The following ERAP1 variants were observed in gnomAD, a reference collection of about 807,000 sequenced individuals.
ERAP1 encodes the protein adipocyte-derived leucine aminopeptidase.
A neutral mutation model predicts 103.7 loss-of-function variants in ERAP1; 86 were observed. That is an observed-to-expected ratio of 0.83 (90% CI 0.70 to 0.99). ERAP1 has a LOEUF of 0.99. Ranked by LOEUF, ERAP1 falls within the 50% of genes least tolerant of loss-of-function variation. ERAP1 has a pLI of 0.00. For missense variants in ERAP1, 1,009 were observed against 1,128.4 expected, an observed-to-expected ratio of 0.89 and a Z score of 1.52; for synonymous variants, 398 against 402.4, an observed-to-expected ratio of 0.99 and a Z score of 0.13.
chr5:96,781,636 A>G (rs1294355277), intron 16 of ERAP1, 57 bp downstream of exon 16: 15 of 1,605,442 alleles, frequency 9.3e-6, no homozygotes, highest in Non-Finnish European at 1.3e-5. Context: ...TGCCAGAATG[A>G]TCTAATCTAA....
chr5:96,836,913 G>A, the ERAP1 span, among the ~76,000 whole-genome samples: 1 of 152,020 alleles, frequency 6.6e-6, no homozygotes, highest in East Asian at 1.9e-4. Flanking sequence ...CAAATCAGAA[G>A]ATTTTTTAAA....
the ERAP1 span, among the ~76,000 whole-genome samples, chr5:96,823,649 C>T: frequency 6.6e-6 from 1 of 152,218 alleles, no homozygotes; most frequent in Non-Finnish European, 1.5e-5. Context: ...CCAAGACCCC[C>T]AATGGTTGCC....
intron 19 of ERAP1, among the ~76,000 whole-genome samples, chr5:96,768,657 T>TG (rs1312089378): frequency 6.6e-6 from 1 of 152,246 alleles, no homozygotes; most frequent in African/African-American, 2.4e-5. Context: ...GCTATGTCTG[T>TG]GTTCATTTAA....
At chr5:96,780,322 T>C in intron 18 of ERAP1, 101 bp downstream of exon 18, 1 of 834,482 alleles carries the variant, frequency 1.2e-6, no homozygotes, top group Non-Finnish European at 1.8e-6. Context: ...TGACAATCCA[T>C]TTCTAACTCA....
At chr5:96,907,577 T>TC in the ERAP1 span, among the ~76,000 whole-genome samples, 2 of 151,796 alleles carry the variant, frequency 1.3e-5, no homozygotes, top group Admixed American at 6.6e-5. Context: ...TTGTGGATTT[T>TC]TTTTTTTTTA....
At chr5:96,773,054 T>TC (rs1312959525), downstream of ERAP1, 1 of 153,908 alleles carries the variant, frequency 6.5e-6, no homozygotes, top group African/African-American at 2.4e-5. Context: ...TTTTAAACAT[T>TC]CTTCAGTGTT....
chr5:96,847,919 G>T, the ERAP1 span, among the ~76,000 whole-genome samples: 2 of 149,186 alleles, frequency 1.3e-5, no homozygotes, highest in South Asian at 4.2e-4. Flanking sequence ...AGAAAAAGAA[G>T]AACAAATTAA....
At chr5:96,861,615 T>C in the ERAP1 span, among the ~76,000 whole-genome samples, 1 of 152,220 alleles carries the variant, frequency 6.6e-6, no homozygotes, top group Non-Finnish European at 1.5e-5. Context: ...CACTAATATC[T>C]CTGGAGCACT....
At position 96,774,860 on chromosome 5, in the gene ERAP1, T is replaced by A. The variant is rs1451110453; in HGVS notation, c.*1536A>T. On this transcript the variant is annotated 3_prime_UTR_variant, in exon 19 of 19. Transcript: ENST00000443439. ...TGGTTTAATAAATGGCAGATTTATG[T>A]CCAGAAGTCACTCTATTTTGTCGTG... 1.0e-6 allele frequency: 1 copy of A among 985,422 alleles called. No homozygotes were observed. The highest frequency in any genetic ancestry group is 1.2e-6 in the Non-Finnish European group (1 of 829,888). 61.0% of individuals were successfully genotyped at this position (985,422 alleles called of 1,614,324 possible).
the ERAP1 span, among the ~76,000 whole-genome samples, chr5:96,880,729 T>C: frequency 1.3e-5 from 2 of 152,296 alleles, no homozygotes; most frequent in Admixed American, 6.5e-5. Context: ...TTGAGAAATA[T>C]AGTCAATTTG....
chr5:96,868,925 C>A, the ERAP1 span, among the ~76,000 whole-genome samples: 3 of 152,076 alleles, frequency 2.0e-5, no homozygotes, highest in African/African-American at 7.2e-5. Flanking sequence ...TCCAAGCCTA[C>A]CTATAAATCT....
At chr5:96,844,783 C>T in the ERAP1 span, among the ~76,000 whole-genome samples, 3 of 152,206 alleles carry the variant, frequency 2.0e-5, no homozygotes, top group Non-Finnish European at 2.9e-5. Context: ...GCTTCTGGCA[C>T]TCTCCACCTC....
In ERAP1 at chr5:96,805,346, GTT is replaced by G. The variant is rs368326043; in HGVS notation, c.-17-1405_-17-1404del. 8.2e-3 allele frequency among the ~76,000 whole-genome samples: 972 copies of G among 119,068 alleles called. 6 individuals are homozygous for G. Among genetic ancestry groups the G allele is most frequent in the South Asian group, 0.028 (106 of 3,748 alleles). The allele number at this position is 119,068 out of a possible 152,430, so 78.1% of individuals were successfully genotyped here. A position where few individuals can be genotyped will look rare whatever the true frequency, so the allele number is the denominator to read the frequency against. ...CGGATTGTTTAATTTCTGGTTTTTG[GTT>G]TTTTTTTTTAAAAAAAAAAAAAACT... On this transcript the variant is annotated intron_variant, in intron 1 of 18. Transcript: ENST00000443439.
At chr5:96,832,127 G>A in the ERAP1 span, among the ~76,000 whole-genome samples, 2 of 152,158 alleles carry the variant, frequency 1.3e-5, no homozygotes, top group Admixed American at 6.5e-5. Context: ...TGAAACAAGA[G>A]TCCTACCTAA....
At chr5:96,824,391 T>A in the ERAP1 span, among the ~76,000 whole-genome samples, 1 of 152,196 alleles carries the variant, frequency 6.6e-6, no homozygotes, top group Non-Finnish European at 1.5e-5. Flanking sequence ...GGCCCAGGAA[T>A]CTTGTGTCCA....
At chr5:96,887,414 C>T in the ERAP1 span, among the ~76,000 whole-genome samples, 1 of 151,492 alleles carries the variant, frequency 6.6e-6, no homozygotes, top group Admixed American at 6.6e-5. Flanking sequence ...AATTCTCCTG[C>T]CTCAGCCTCC....
intron 18 of ERAP1, among the ~76,000 whole-genome samples, chr5:96,778,219 C>T (rs1327812281): frequency 1.3e-5 from 2 of 152,162 alleles, no homozygotes; most frequent in African/African-American, 4.8e-5. Flanking sequence ...CAAGCATCCT[C>T]CCCTCATGGA....
the ERAP1 span, among the ~76,000 whole-genome samples, chr5:96,838,293 G>A: frequency 6.6e-6 from 1 of 152,154 alleles, no homozygotes; most frequent in South Asian, 2.1e-4. Context: ...AGTCCAGCCA[G>A]AGCTTCAGGC....
At chr5:96,813,644 T>TC in the ERAP1 span, among the ~76,000 whole-genome samples, 46,277 of 68,752 alleles carry the variant, frequency 0.67, 17,113 homozygotes, top group Middle Eastern at 0.76. Flanking sequence ...ACAGCAAGAC[T>TC]CATCTCAAAA....
Sources: allele counts gnomAD v4.1 joint callset (sites outside exome capture counted in the v4.1 genomes callset), GRCh38; gene constraint gnomAD v4.1.1; transcripts MANE v1.5; gene names NCBI Gene and HGNC (gene_info 2026-07-23, HGNC 2026-07-21).